Variants in FBLN1 observed in about 807,000 individuals in gnomAD.
The protein encoded by FBLN1 is fibulin 1, also known as fibulin-1.
A neutral mutation model predicts 89.7 loss-of-function variants in FBLN1; 34 were observed. The observed-to-expected ratio is 0.38, with a 90% confidence interval of 0.29 to 0.50. FBLN1 has a LOEUF of 0.50. Among genes scored for constraint, FBLN1 ranks in the 20% least tolerant of loss-of-function variants. The probability of loss-of-function intolerance (pLI) is 0.92; values close to 1 mark genes in which losing one functional copy is unlikely to be tolerated. For missense variants in FBLN1, 777 were observed against 988.1 expected (o/e 0.79, Z 2.86); for synonymous variants, 393 against 391.3 (o/e 1.00, Z -0.05).
At chr22:45,523,160 A>C (rs1220029567) in intron 2 of FBLN1, 1 of 778,944 alleles carries the variant, frequency 1.3e-6, no homozygotes, top group African/African-American at 1.7e-5. Flanking sequence ...TGGGAAGAGC[A>C]TCCCAGGCCG....
Position 45,513,842 on chromosome 22 carries a change from G to A in FBLN1, c.80-4840G>A, listed in dbSNP as rs141310814. Among the ~76,000 whole-genome samples the A allele has an allele frequency of 4.1e-3, 628 of 152,216 alleles. 1 individual carries two copies. Among genetic ancestry groups the A allele is most frequent in the African/African-American group, 0.014 (592 of 41,550 alleles). ...GGAGTCTTGCTCTGTCGCCCAGGCT[G>A]GAGTGCAGTGGCGTGATCTTGGCTC... On this transcript the variant is annotated intron_variant, in intron 1 of 16. Transcript: ENST00000327858.
At chr22:45,569,645 G>A (rs2088934074) in intron 14 of FBLN1, among the ~76,000 whole-genome samples, 1 of 16,938 alleles carries the variant, frequency 5.9e-5, no homozygotes, top group Non-Finnish European at 1.1e-4. Flanking sequence ...TCTCAAAAAA[G>A]AAGAAGAAGA....
At chr22:45,582,608 G>A (rs909835697) in intron 16 of FBLN1, among the ~76,000 whole-genome samples, 2 of 152,216 alleles carry the variant, frequency 1.3e-5, no homozygotes, top group African/African-American at 4.8e-5. Context: ...CGCACCTGGT[G>A]CAGATAGATG....
intron 14 of FBLN1, among the ~76,000 whole-genome samples, chr22:45,553,429 C>T (rs1170236872): frequency 6.6e-6 from 1 of 152,208 alleles, no homozygotes; most frequent in African/African-American, 2.4e-5. Context: ...CTCTGTAATA[C>T]ATTCAGTGAT....
At chr22:45,551,289 C>T (rs955021389) in intron 14 of FBLN1, among the ~76,000 whole-genome samples, 13 of 152,228 alleles carry the variant, frequency 8.5e-5, no homozygotes, top group Admixed American at 8.5e-4. Flanking sequence ...GGAAAAGCTC[C>T]ATGCTGGGAC....
intron 14 of FBLN1, among the ~76,000 whole-genome samples, chr22:45,560,062 A>G (rs539373401): frequency 5.9e-5 from 9 of 152,166 alleles, no homozygotes; most frequent in East Asian, 1.9e-4. Context: ...CTTCCTATCA[A>G]TTTCACTTCT....
intron 7 of FBLN1, among the ~76,000 whole-genome samples, chr22:45,534,660 C>T (rs984062933): frequency 6.6e-5 from 10 of 152,202 alleles, no homozygotes; most frequent in African/African-American, 2.2e-4. Flanking sequence ...CTCCCCACCC[C>T]CACACACCAG....
chr22:45,525,085 G>C (rs1486429016), intron 2 of FBLN1, among the ~76,000 whole-genome samples: 1 of 146,516 alleles, frequency 6.8e-6, no homozygotes, highest in Non-Finnish European at 1.5e-5. Flanking sequence ...AAGAAAGAAA[G>C]AGAGAAAGAG....
At chr22:45,586,182 C>G (rs2089083983) in intron 16 of FBLN1, among the ~76,000 whole-genome samples, 1 of 152,234 alleles carries the variant, frequency 6.6e-6, no homozygotes, top group South Asian at 2.1e-4. Context: ...TCATTCGGAG[C>G]TCAAGGCCTC....
chr22:45,559,938 G>A (rs1158568387), intron 14 of FBLN1, among the ~76,000 whole-genome samples: 1 of 152,212 alleles, frequency 6.6e-6, no homozygotes, highest in African/African-American at 2.4e-5. Flanking sequence ...ACTGGTTCAA[G>A]TCTGGAAATT....
At chr22:45,594,705 G>GATGGATGA (rs1679179361) in intron 16 of FBLN1, among the ~76,000 whole-genome samples, 1 of 144,836 alleles carries the variant, frequency 6.9e-6, no homozygotes, top group African/African-American at 2.7e-5. Flanking sequence ...TAGATGGATG[G>GATGGATGA]ATGGATGGAT....
In FBLN1 at chr22:45,575,829, C is replaced by T. The variant is rs928605203; in HGVS notation, c.1841-1148C>T. Among the ~76,000 whole-genome samples the T allele has an allele frequency of 2.6e-5, 4 of 152,146 alleles. No homozygotes were observed. The highest frequency in any genetic ancestry group is 4.4e-5 in the Non-Finnish European group (3 of 68,022). On this transcript the variant is annotated intron_variant, in intron 15 of 16. Coordinates refer to ENST00000327858, the MANE Select transcript of FBLN1 (RefSeq NM_006486.3). The surrounding 1 kb of genome is among the most constrained non-coding windows in gnomAD (Gnocchi z 6.3). ...GCTGTGCTGCCCGTGTGCCCGGTCC[C>T]CAACCACCCCCGCCCTCTAGGGAGT...
In FBLN1 at chr22:45,563,061, G is replaced by T; in HGVS notation, c.1698-11450G>T. ...CCCTCCAGTGCTGTCCCCGGGGACA[G>T]CATGCAGCTGGCCATCACCGGCGGC... On this transcript the variant is annotated intron_variant, in intron 14 of 16. Coordinates refer to ENST00000327858, the MANE Select transcript of FBLN1 (RefSeq NM_006486.3). This position sits in a 1 kb window ranked among gnomAD's most constrained non-coding sequence, Gnocchi z 5.7. 6.2e-7 allele frequency: 1 copy of T among 1,613,520 alleles called. No individual in the cohort carries two copies. The highest frequency in any genetic ancestry group is 1.7e-5 in the Admixed American group (1 of 60,024).
chr22:45,510,899 G>T (rs944833118), intron 1 of FBLN1, among the ~76,000 whole-genome samples: 1 of 152,188 alleles, frequency 6.6e-6, no homozygotes, highest in Middle Eastern at 3.2e-3. Context: ...CCTGTGAACT[G>T]AGCCAGCTCC....
chr22:45,532,999 G>T lies in FBLN1; in HGVS notation c.545-64G>T, dbSNP rs141865190. The stretch of plus-strand genomic sequence containing the variant: ...GCGTTTTCTATGACCCAGCCTGAAC[G>T]GAGCTAGAAACCAGGCGGTGCCTGG... On this transcript the variant is annotated intron_variant, in intron 5 of 16. Coordinates refer to ENST00000327858, the MANE Select transcript of FBLN1 (RefSeq NM_006486.3). This position sits in a 1 kb window ranked among gnomAD's most constrained non-coding sequence, Gnocchi z 4.2. 6.8e-7 allele frequency: 1 copy of T among 1,479,792 alleles called. No homozygotes were observed. The allele number at this position is 1,479,792 out of a possible 1,614,324, so 91.7% of individuals were successfully genotyped here. A position where few individuals can be genotyped will look rare whatever the true frequency, so the allele number is the denominator to read the frequency against.
At chr22:45,512,530 G>C (rs2088114732) in intron 1 of FBLN1, among the ~76,000 whole-genome samples, 2 of 152,110 alleles carry the variant, frequency 1.3e-5, no homozygotes, top group African/African-American at 4.8e-5. Context: ...GCCTCTGTGG[G>C]CCTCAGATGG....
At chr22:45,564,051 C>A (rs2088879985) in intron 14 of FBLN1, among the ~76,000 whole-genome samples, 1 of 152,202 alleles carries the variant, frequency 6.6e-6, no homozygotes, top group Admixed American at 6.5e-5. Flanking sequence ...TCCTGCCAGG[C>A]AGGTGGTCAT....
intron 2 of FBLN1, among the ~76,000 whole-genome samples, chr22:45,521,339 A>C (rs2088247713): frequency 6.6e-6 from 1 of 152,142 alleles, no homozygotes; most frequent in Non-Finnish European, 1.5e-5. Flanking sequence ...AATGCCCAGG[A>C]CACCACTCCA....
At chr22:45,594,851 TG>T (rs2089170783) in intron 16 of FBLN1, among the ~76,000 whole-genome samples, 1 of 142,760 alleles carries the variant, frequency 7.0e-6, no homozygotes, top group South Asian at 2.2e-4. Context: ...GCTGAGTGGG[TG>T]GGTGGATGGA....
Sources: allele counts gnomAD v4.1 joint callset (sites outside exome capture counted in the v4.1 genomes callset), GRCh38; gene constraint gnomAD v4.1.1; non-coding constraint Gnocchi (gnomAD v3.1); transcripts MANE v1.5; gene names NCBI Gene and HGNC (gene_info 2026-07-23, HGNC 2026-07-21).